Variants in ATAD5 observed in about 807,000 individuals in gnomAD.
ATAD5 encodes ATPase family AAA domain containing 5, also known as ATPase family AAA domain-containing protein 5.
In ATAD5, 58 loss-of-function variants were observed where a neutral mutation model predicts 176.9. The observed-to-expected ratio is 0.33, with a 90% CI of 0.27 to 0.41. The LOEUF (loss-of-function observed/expected upper bound fraction) is 0.41, where lower values mean the gene tolerates loss of function less well. ATAD5 is among the 10% of genes least tolerant of loss of function. The probability of loss-of-function intolerance (pLI) is 1.00; values close to 1 mark genes in which losing one functional copy is unlikely to be tolerated. For missense variants in ATAD5, 1,789 were observed against 2,094.1 expected (o/e 0.85, Z 2.84); for synonymous variants, 640 against 712.6 (o/e 0.90, Z 1.62).
intron 9 of ATAD5, among the ~76,000 whole-genome samples, 167 bp downstream of exon 9, chr17:30,858,490 A>T (rs1046556826): frequency 1.3e-5 from 2 of 151,990 alleles, no homozygotes; most frequent in African/African-American, 2.4e-5. Flanking sequence ...GGTTCAAGTG[A>T]TTCTCCTGCC....
intron 3 of ATAD5, among the ~76,000 whole-genome samples, chr17:30,839,664 C>T (rs1296761223): frequency 1.5e-4 from 3 of 19,420 alleles, no homozygotes; most frequent in Non-Finnish European, 3.2e-4. Context: ...ACTGCAACCT[C>T]GGCTTCCTGG....
Position 30,895,482 on chromosome 17 carries a change from G to C in ATAD5, c.*569G>C, listed in dbSNP as rs1453931120. On this transcript the variant is annotated 3_prime_UTR_variant, in exon 23 of 23. Coordinates refer to ENST00000321990, the MANE Select transcript of ATAD5 (RefSeq NM_024857.5). ...TGCAGTGGCCTGGTATCGGCTCAGT[G>C]CAACTTTTGCCTCCCGGGTTCAAGC... The C allele has an allele frequency of 6.7e-6, 1 of 148,668 alleles. No homozygotes were observed. The highest frequency in any genetic ancestry group is 1.5e-5 in the Non-Finnish European group (1 of 67,634). The allele number at this position is 148,668 out of a possible 1,614,324, so 9.2% of individuals were successfully genotyped here. A position where few individuals can be genotyped will look rare whatever the true frequency, so the allele number is the denominator to read the frequency against.
intron 12 of ATAD5, 31 bp from the exon 13 acceptor site, chr17:30,869,217 T>C: frequency 6.3e-7 from 1 of 1,580,448 alleles, no homozygotes; most frequent in Non-Finnish European, 8.6e-7. Flanking sequence ...TCAGCAATTG[T>C]CATTTTATAT....
Position 30,856,939 on chromosome 17 carries a change from G to A in ATAD5, c.2636-16G>A, listed in dbSNP as rs776949620. Reference sequence around the variant, plus strand: ...ATAAATAAGGTTTATTAAGATATTTGTCTATTTTTCTTTAGGGTGTTGTTT... The same window carrying A: ...ATAAATAAGGTTTATTAAGATATTTATCTATTTTTCTTTAGGGTGTTGTTT... On this transcript the variant is annotated splice_polypyrimidine_tract_variant and intron_variant, in intron 7 of 22. Transcript: ENST00000321990. The A allele has an allele frequency of 1.3e-6, 2 of 1,557,182 alleles. No individual in the cohort carries two copies. The highest frequency in any genetic ancestry group is 1.7e-6 in the Non-Finnish European group (2 of 1,159,360).
chr17:30,870,334 T>C (rs998654507), intron 14 of ATAD5, among the ~76,000 whole-genome samples: 2 of 152,042 alleles, frequency 1.3e-5, no homozygotes, highest in African/African-American at 4.8e-5. Context: ...TCATTTGTCA[T>C]GAAATTCTTC....
chr17:30,853,430 C>A (rs1597967235), intron 6 of ATAD5, among the ~76,000 whole-genome samples: 1 of 151,876 alleles, frequency 6.6e-6, no homozygotes, highest in Non-Finnish European at 1.5e-5. Context: ...TTAACTACAA[C>A]TTTACCCATC....
chr17:30,881,457 G>A (rs1326528853), intron 18 of ATAD5, among the ~76,000 whole-genome samples: 5 of 152,064 alleles, frequency 3.3e-5, no homozygotes, highest in African/African-American at 9.7e-5. Context: ...ACACCACCAC[G>A]CCTGGCTTAT....
chr17:30,879,185 A>G (rs949787453), intron 17 of ATAD5, among the ~76,000 whole-genome samples: 1 of 152,120 alleles, frequency 6.6e-6, no homozygotes, highest in Non-Finnish European at 1.5e-5. Flanking sequence ...AAAAAACTTA[A>G]AAATTATCTG....
chr17:30,849,350 G>T lies in ATAD5; in HGVS notation c.2450+4434G>T, dbSNP rs752653239. ...GGGCTCAAGCAATCTTCCTTCCTCA[G>T]TCTCCTGAGCAGCTGGGACTCAAAC... On this transcript the variant is annotated intron_variant, in intron 6 of 22. Coordinates refer to ENST00000321990, the MANE Select transcript of ATAD5 (RefSeq NM_024857.5). Among the ~76,000 whole-genome samples, 38 of 152,128 alleles carry T rather than the reference G, an allele frequency of 2.5e-4. 1 individual carries two copies. The highest frequency in any genetic ancestry group is 1.3e-4 in the Non-Finnish European group (9 of 68,030).
chr17:30,855,411 C>G, intron 7 of ATAD5, 84 bp downstream of exon 7: 1 of 1,321,858 alleles, frequency 7.6e-7, no homozygotes, highest in East Asian at 2.5e-5. Context: ...AAAGATGAGG[C>G]TGAAGTTTAA....
In ATAD5 at chr17:30,834,426, G is replaced by A. The variant is rs751755706; in HGVS notation, c.345G>A (p.Lys115=). ...FSNVEFKKKR[K]RVNLSHQLNN... The stretch of plus-strand genomic sequence containing the variant: ...ATGTAGAGTTTAAGAAGAAAAGAAA[G>A]AGGGTTAATTTATCTCATCAACTAA... The change falls in exon 2 of 23, where the codon AAG becomes AAA. Residue 115 remains lysine, a synonymous_variant. Coordinates refer to ENST00000321990, the MANE Select transcript of ATAD5 (RefSeq NM_024857.5). 1 of 1,599,226 alleles carries A rather than the reference G, an allele frequency of 6.3e-7. No individual in the cohort carries two copies. The highest frequency in any genetic ancestry group is 8.5e-7 in the Non-Finnish European group (1 of 1,174,278).
At chr17:30,858,064 T>C in intron 8 of ATAD5, 97 bp from the exon 9 acceptor site, 1 of 1,141,590 alleles carries the variant, frequency 8.8e-7, no homozygotes, top group Non-Finnish European at 1.2e-6. Flanking sequence ...CTTACGTTGA[T>C]ACTGATTTAT....
chr17:30,878,715 GGTGTTTTTTTTTT>G (rs1908809428), intron 17 of ATAD5, among the ~76,000 whole-genome samples: 2 of 91,180 alleles, frequency 2.2e-5, no homozygotes, highest in South Asian at 3.5e-4. Context: ...GAAGTTAGGT[GGTGTTTTTTTTTT>G]TTTTTTTTTT....
intron 4 of ATAD5, among the ~76,000 whole-genome samples, chr17:30,843,211 G>T (rs979768936): frequency 4.0e-5 from 6 of 151,852 alleles, no homozygotes; most frequent in African/African-American, 1.5e-4. Flanking sequence ...AATTAGCCAG[G>T]TGTGGTGGTG....
At chr17:30,843,667 AAAAAT>A (rs1175434177) in intron 4 of ATAD5, among the ~76,000 whole-genome samples, 2 of 151,678 alleles carry the variant, frequency 1.3e-5, no homozygotes, top group African/African-American at 2.4e-5. Context: ...AAAAAAGAAT[AAAAAT>A]AAAAAAGAAA....
chr17:30,834,079 C>A, intron 1 of ATAD5, 69 bp from the exon 2 acceptor site: 1 of 1,262,754 alleles, frequency 7.9e-7, no homozygotes, highest in South Asian at 1.9e-5. Context: ...CTATTAGATC[C>A]ATGTTTAAAA....
At chr17:30,838,328 C>T (rs889476937) in intron 3 of ATAD5, among the ~76,000 whole-genome samples, 11 of 152,214 alleles carry the variant, frequency 7.2e-5, no homozygotes, top group Non-Finnish European at 1.6e-4. Context: ...GTGAAAACCA[C>T]TGCTACATTG....
rs538021192 is a variant in ATAD5, at chr17:30,832,272, C to T, written c.-76C>T. 832 of 1,326,218 alleles carry T rather than the reference C, an allele frequency of 6.3e-4. 2 individuals are homozygous for T. Among genetic ancestry groups the T allele is most frequent in the Non-Finnish European group, 7.7e-4 (782 of 1,015,232 alleles). The allele number at this position is 1,326,218 out of a possible 1,614,324, so 82.2% of individuals were successfully genotyped here. Reference sequence around the variant, plus strand: ...GCAGCTTGCTGCTACTGGAGCGGGCCGCCTCCATGGCCTCCAGGCAGGCCG... The same window carrying T: ...GCAGCTTGCTGCTACTGGAGCGGGCTGCCTCCATGGCCTCCAGGCAGGCCG... On this transcript the variant is annotated 5_prime_UTR_variant, in exon 1 of 23. Transcript: ENST00000321990.
chr17:30,851,187 C>A (rs1366093290), intron 6 of ATAD5, among the ~76,000 whole-genome samples: 1 of 146,856 alleles, frequency 6.8e-6, no homozygotes, highest in East Asian at 2.2e-4. Flanking sequence ...CCGTGCCGGT[C>A]TCTAAAAATA....
Sources: allele counts gnomAD v4.1 joint callset (sites outside exome capture counted in the v4.1 genomes callset), GRCh38; gene constraint gnomAD v4.1.1; transcripts MANE v1.5; gene names NCBI Gene and HGNC (gene_info 2026-07-23, HGNC 2026-07-21).